ASAP2: variants seen among roughly 807,000 people sequenced by gnomAD.
ASAP2 encodes arf-GAP with SH3 domain, ANK repeat and PH domain-containing protein 2.
Under a neutral mutation model 131.4 loss-of-function variants are expected in ASAP2, and 45 were observed. The observed-to-expected ratio is 0.34, with a 90% CI of 0.27 to 0.44. The LOEUF is 0.44. Ranked by LOEUF, ASAP2 falls within the 20% of genes least tolerant of loss-of-function variation. The probability of loss-of-function intolerance (pLI) is 1.00; values close to 1 mark genes in which losing one functional copy is unlikely to be tolerated. For missense variants in ASAP2, 1,011 were observed against 1,297.0 expected, an observed-to-expected ratio of 0.78 and a Z score of 3.39; for synonymous variants, 510 against 503.0, an observed-to-expected ratio of 1.01 and a Z score of -0.19.
intron 1 of ASAP2, among the ~76,000 whole-genome samples, chr2:9,262,719 A>G (rs2148206952): frequency 6.6e-6 from 1 of 152,248 alleles, no homozygotes; most frequent in East Asian, 1.9e-4. Flanking sequence ...ACAGCACACA[A>G]ATGTGACCGC....
At chr2:9,238,967 T>G (rs990422210) in intron 1 of ASAP2, among the ~76,000 whole-genome samples, 2 of 152,220 alleles carry the variant, frequency 1.3e-5, no homozygotes, top group African/African-American at 4.8e-5. Flanking sequence ...CTGTGTTCCC[T>G]GGGCCTCCCG....
At chr2:9,333,002 G>A (rs1392372712) in intron 7 of ASAP2, among the ~76,000 whole-genome samples, 1 of 152,178 alleles carries the variant, frequency 6.6e-6, no homozygotes, top group African/African-American at 2.4e-5. Context: ...ATGCCCCACG[G>A]CCTGTGTGTC....
chr2:9,275,702 T>G (rs1666719191), intron 1 of ASAP2, among the ~76,000 whole-genome samples: 1 of 152,218 alleles, frequency 6.6e-6, no homozygotes, highest in Non-Finnish European at 1.5e-5. Context: ...GCCTGGCACT[T>G]GAGCCCCTGC....
chr2:9,375,262 G>A (rs892656511), intron 17 of ASAP2, among the ~76,000 whole-genome samples: 3 of 150,814 alleles, frequency 2.0e-5, no homozygotes, highest in Admixed American at 6.6e-5. Flanking sequence ...CAGCCTGGCC[G>A]ACAGAGTGAG....
chr2:9,266,461 G>T (rs1558280325), intron 1 of ASAP2, among the ~76,000 whole-genome samples: 1 of 152,064 alleles, frequency 6.6e-6, no homozygotes, highest in South Asian at 2.1e-4. Context: ...TTCATCTTCT[G>T]CAGAGCTGCC....
intron 12 of ASAP2, among the ~76,000 whole-genome samples, chr2:9,354,234 C>T (rs1672537511): frequency 6.6e-6 from 1 of 152,214 alleles, no homozygotes; most frequent in East Asian, 1.9e-4. Flanking sequence ...CTTCCAGGTC[C>T]ACATGGCAGG....
At chr2:9,283,930 A>C (rs1667297159) in intron 2 of ASAP2, among the ~76,000 whole-genome samples, 1 of 152,160 alleles carries the variant, frequency 6.6e-6, no homozygotes, top group Non-Finnish European at 1.5e-5. Context: ...CCATCTCCAG[A>C]CACCATTGCC....
chr2:9,328,626 T>C (rs1177394717), intron 7 of ASAP2, among the ~76,000 whole-genome samples: 1 of 152,210 alleles, frequency 6.6e-6, no homozygotes, highest in Non-Finnish European at 1.5e-5. Context: ...CAGGGGCTGC[T>C]CAAGTACTCA....
intron 3 of ASAP2, among the ~76,000 whole-genome samples, chr2:9,297,964 G>A (rs1174520510): frequency 4.0e-5 from 6 of 150,894 alleles, no homozygotes; most frequent in African/African-American, 1.2e-4. Flanking sequence ...GGAATGCGGT[G>A]CTGGTGCCTG....
At chr2:9,377,592 G>A (rs1310447189) in intron 18 of ASAP2, among the ~76,000 whole-genome samples, 1 of 152,208 alleles carries the variant, frequency 6.6e-6, no homozygotes, top group Non-Finnish European at 1.5e-5. Context: ...CTGAAGGCTG[G>A]ACTTCAAGAC....
chr2:9,370,759 A>G (rs911909078), intron 16 of ASAP2, among the ~76,000 whole-genome samples: 1 of 152,046 alleles, frequency 6.6e-6, no homozygotes, highest in Non-Finnish European at 1.5e-5. Context: ...CATTGATTCC[A>G]TACACCCTGA....
intron 9 of ASAP2, 21 bp downstream of exon 9, chr2:9,335,200 A>G (rs1419049140): frequency 6.2e-7 from 1 of 1,609,858 alleles, no homozygotes; most frequent in Admixed American, 1.7e-5. Flanking sequence ...TTAATTTTGA[A>G]AGATTGCAGT....
rs1483861038 is a variant in ASAP2, at chr2:9,291,188, TA to T, written c.200-6109del. Among the ~76,000 whole-genome samples the T allele has an allele frequency of 3.3e-5, 5 of 152,194 alleles. No homozygotes were observed. The South Asian group carries it at 6.2e-4, about 19-fold the overall frequency. Reference sequence around the variant, plus strand: ...ACACATTTTAAATTTTCACTCTTTATAAATGTTCTGTACACACATCTCTGAT... The same window carrying T: ...ACACATTTTAAATTTTCACTCTTTATAATGTTCTGTACACACATCTCTGAT... On this transcript the variant is annotated intron_variant, in intron 2 of 27. Transcript: ENST00000281419.
Position 9,274,319 on chromosome 2 carries a change from CTTTT to C in ASAP2, c.127-4980_127-4977del, listed in dbSNP as rs57798948. ...CATAAGACTGTTTCTAGCATTCAATCTTTTTTTTTTTTTTTTTTTTTGAGACAGA... is the reference window on the plus strand; with the variant it reads ...CATAAGACTGTTTCTAGCATTCAATCTTTTTTTTTTTTTTTTTGAGACAGA... On this transcript the variant is annotated intron_variant, in intron 1 of 27. Transcript: ENST00000281419. 6.0e-3 allele frequency among the ~76,000 whole-genome samples: 638 copies of C among 106,766 alleles called. 4 individuals carry two copies. The highest frequency in any genetic ancestry group is 0.021 in the African/African-American group (560 of 27,210). The allele number at this position is 106,766 out of a possible 152,430, so 70.0% of individuals were successfully genotyped here.
chr2:9,275,963 T>TGTA (rs1374702270), intron 1 of ASAP2, among the ~76,000 whole-genome samples: 1 of 152,216 alleles, frequency 6.6e-6, no homozygotes, highest in Non-Finnish European at 1.5e-5. Flanking sequence ...TGGTAGCTGC[T>TGTA]GTAGTGGATG....
At chr2:9,271,400 C>T in intron 1 of ASAP2, 2 of 1,411,608 alleles carry the variant, frequency 1.4e-6, no homozygotes, top group Non-Finnish European at 1.0e-6. Context: ...TCTCCATATT[C>T]TGGATGCTCA....
At chr2:9,273,656 G>A (rs1360176524) in intron 1 of ASAP2, among the ~76,000 whole-genome samples, 3 of 152,206 alleles carry the variant, frequency 2.0e-5, no homozygotes, top group Non-Finnish European at 4.4e-5. Context: ...GGTTGGGTCG[G>A]AGATGAACTC....
chr2:9,383,728 A>C (rs1007762806), intron 20 of ASAP2, among the ~76,000 whole-genome samples: 1 of 152,150 alleles, frequency 6.6e-6, no homozygotes, highest in Non-Finnish European at 1.5e-5. Context: ...TTATTGCGGC[A>C]CTATTCACAA....
At chr2:9,372,136 G>A (rs923619854) in intron 16 of ASAP2, among the ~76,000 whole-genome samples, 1 of 152,258 alleles carries the variant, frequency 6.6e-6, no homozygotes, top group African/African-American at 2.4e-5. Flanking sequence ...TGTGGAGGTC[G>A]CAGTAATGAT....
Sources: gnomAD v4.1 joint callset for allele counts (sites outside exome capture counted in the v4.1 genomes callset) on GRCh38, gnomAD v4.1.1 for gene constraint, MANE v1.5 for transcripts, NCBI Gene and HGNC (gene_info 2026-07-23, HGNC 2026-07-21) for gene names.